Variants in MEP1B observed in about 807,000 individuals in gnomAD.
MEP1B encodes N-benzoyl-L-tyrosyl-P-amino-benzoic acid hydrolase subunit beta.
A neutral mutation model predicts 84.6 loss-of-function variants in MEP1B; 80 were observed. That is an observed-to-expected ratio of 0.95 (90% confidence interval 0.79 to 1.14). The LOEUF (loss-of-function observed/expected upper bound fraction) is 1.14, where lower values mean the gene tolerates loss of function less well. MEP1B is among the 50% of genes most tolerant of loss of function. MEP1B has a pLI of 0.00. For synonymous variants in MEP1B, 273 were observed against 288.1 expected, an observed-to-expected ratio of 0.95 and a Z score of 0.53; for missense variants, 766 against 855.1, an observed-to-expected ratio of 0.90 and a Z score of 1.30.
intron 12 of MEP1B, 113 bp downstream of exon 12, chr18:32,215,374 G>A (rs2041073107): frequency 1.7e-6 from 1 of 581,136 alleles, no homozygotes; most frequent in Admixed American, 3.8e-5. Context: ...TAGAGATGTG[G>A]GGGGAATGGG....
intron 13 of MEP1B, among the ~76,000 whole-genome samples, 189 bp from the exon 14 acceptor site, chr18:32,217,572 T>A (rs549837105): frequency 6.6e-6 from 1 of 152,330 alleles, no homozygotes; most frequent in South Asian, 2.1e-4. Context: ...AATTCCATTT[T>A]TTCTTTCCAT....
chr18:32,194,107 C>A (rs749853103), intron 4 of MEP1B, among the ~76,000 whole-genome samples: 1 of 152,118 alleles, frequency 6.6e-6, no homozygotes, highest in Non-Finnish European at 1.5e-5. Context: ...CACATAAAAA[C>A]CTTGAGCGCC....
chr18:32,194,603 C>G (rs2040834324), intron 4 of MEP1B, among the ~76,000 whole-genome samples: 2 of 152,084 alleles, frequency 1.3e-5, no homozygotes, highest in East Asian at 3.9e-4. Context: ...CAGGCATATT[C>G]CCACCTCAGA....
chr18:32,196,212 G>A lies in MEP1B; in HGVS notation c.250+727G>A, dbSNP rs973783282. The A allele has an allele frequency of 3.5e-5, 24 of 683,380 alleles. No homozygotes were observed. The highest frequency in any genetic ancestry group is 5.5e-5 in the Non-Finnish European group (20 of 363,534). The allele number at this position is 683,380 out of a possible 1,614,324, so 42.3% of individuals were successfully genotyped here. A position where few individuals can be genotyped will look rare whatever the true frequency, so the allele number is the denominator to read the frequency against. ...TCAGACTCTCCAAGTCTTTTTGGCT[G>A]AGAGGAATGAAGAGGATGCCATTGA... On this transcript the variant is annotated intron_variant, in intron 5 of 14. Coordinates refer to ENST00000269202, the MANE Select transcript of MEP1B (RefSeq NM_005925.3). This position sits in a 1 kb window ranked among gnomAD's most constrained non-coding sequence, Gnocchi z 4.4.
At chr18:32,203,312 CAT>C (rs1468581889) in intron 6 of MEP1B, 14 of 236,484 alleles carry the variant, frequency 5.9e-5, no homozygotes, top group Non-Finnish European at 8.1e-5. Context: ...AAGTAAAAAA[CAT>C]GTGTATTTAT....
At chr18:32,201,089 T>G (rs1186077770) in intron 5 of MEP1B, among the ~76,000 whole-genome samples, 2 of 152,314 alleles carry the variant, frequency 1.3e-5, no homozygotes, top group Non-Finnish European at 1.5e-5. Flanking sequence ...AGCTTTCACG[T>G]GTTACTTTAT....
chr18:32,200,079 A>T (rs1404800342), intron 5 of MEP1B, among the ~76,000 whole-genome samples: 1 of 152,046 alleles, frequency 6.6e-6, no homozygotes, highest in Admixed American at 6.6e-5. Context: ...TTTAAACAAC[A>T]TTATAAACAA....
At chr18:32,214,950 A>G (rs1466372264) in intron 11 of MEP1B, 132 bp from the exon 12 acceptor site, 8 of 666,706 alleles carry the variant, frequency 1.2e-5, no homozygotes, top group Middle Eastern at 4.0e-4. Context: ...CAGGGAATAC[A>G]TCACAGGTCA....
chr18:32,216,172 C>T (rs1233772726), intron 12 of MEP1B, among the ~76,000 whole-genome samples: 1 of 151,970 alleles, frequency 6.6e-6, no homozygotes, highest in Non-Finnish European at 1.5e-5. Flanking sequence ...ACTTGGATCT[C>T]AGTAAATCAG....
At chr18:32,212,655 C>T (rs1343801901) in intron 10 of MEP1B, among the ~76,000 whole-genome samples, 1 of 151,980 alleles carries the variant, frequency 6.6e-6, no homozygotes, top group African/African-American at 2.4e-5. Context: ...TTTAATATTA[C>T]CAAAAAGTTG....
Position 32,211,570 on chromosome 18 carries a change from T to C in MEP1B, c.1135+854T>C, listed in dbSNP as rs1261706057. On this transcript the variant is annotated intron_variant, in intron 10 of 14. Transcript: ENST00000269202. Reference sequence around the variant, plus strand: ...TGGAAAAAGGACTCTTCCTCTAATATAAAGCTTAAAAAATAAATCCCAGTG... The same window carrying C: ...TGGAAAAAGGACTCTTCCTCTAATACAAAGCTTAAAAAATAAATCCCAGTG... 5.3e-5 allele frequency among the ~76,000 whole-genome samples: 8 copies of C among 152,168 alleles called. 1 individual carries two copies. The highest frequency in any genetic ancestry group is 4.6e-4 in the Admixed American group (7 of 15,286).
chr18:32,213,148 G>A lies in MEP1B; in HGVS notation c.1168G>A (p.Val390Ile). The A allele has an allele frequency of 1.2e-6, 2 of 1,613,904 alleles. No individual in the cohort carries two copies. The highest frequency in any genetic ancestry group is 2.2e-5 in the East Asian group (1 of 44,886). ...IPTGSWQLYH[V>I]TLKVTKKFRV... ...CACTGGGAGCTGGCAACTTTATCAT[G>A]TAACATTGAAAGTGACCAAGAAGTT... The change falls in exon 11 of 15, where the codon GTA (valine) becomes ATA (isoleucine). Residue 390 changes from valine (V) to isoleucine (I), a missense_variant. Val to Ile is a conservative substitution (Grantham distance 29). Transcript: ENST00000269202.
rs150355961 is a variant in MEP1B at position 32,204,330 on chromosome 18, G to A, written c.517G>A (p.Val173Ile). The A allele has an allele frequency of 4.1e-4, 648 of 1,599,778 alleles. 2 individuals are homozygous for A. In the African/African-American group the frequency reaches 7.0e-3, roughly 17 times the overall value. ...GTCGCGTTCTGACCGGGATGACTAT[G>A]TCAGGATAATGTGGGACAGAATTCT... is the stretch of plus-strand genomic sequence containing the variant. ...EQSRSDRDDY[V>I]RIMWDRILSG... Residue 173 changes from valine to isoleucine, a missense_variant, in exon 7 of 15, where the codon GTC becomes ATC. By Grantham distance (29) the Val-to-Ile change is conservative. Coordinates refer to ENST00000269202, the MANE Select transcript of MEP1B (RefSeq NM_005925.3).
Position 32,196,577 on chromosome 18 carries a change from G to T in MEP1B, c.250+1092G>T. Reference sequence around the variant, plus strand: ...GGTACTTGGTGCTGACGGCCAGCGCGTTGTCCAGGAAGCACAGCGACAGGT... The same window carrying T: ...GGTACTTGGTGCTGACGGCCAGCGCTTTGTCCAGGAAGCACAGCGACAGGT... On this transcript the variant is annotated intron_variant, in intron 5 of 14. Coordinates refer to ENST00000269202, the MANE Select transcript of MEP1B (RefSeq NM_005925.3). This position sits in a 1 kb window ranked among gnomAD's most constrained non-coding sequence, Gnocchi z 4.4. The T allele has an allele frequency of 2.8e-6, 2 of 717,036 alleles. No individual in the cohort carries two copies. Among genetic ancestry groups the T allele is most frequent in the South Asian group, 2.9e-5 (2 of 68,776 alleles). 44.4% of individuals were successfully genotyped at this position (717,036 alleles called of 1,614,324 possible). A position where few individuals can be genotyped will look rare whatever the true frequency, so the allele number is the denominator to read the frequency against.
chr18:32,213,634 G>A (rs534517426), intron 11 of MEP1B, 75 bp downstream of exon 11: 20 of 1,143,240 alleles, frequency 1.7e-5, no homozygotes, highest in African/African-American at 3.0e-5. Flanking sequence ...GGGAATGAGG[G>A]ATTGCACAGT....
chr18:32,192,465 C>T (rs559779314), intron 2 of MEP1B, among the ~76,000 whole-genome samples, 181 bp from the exon 3 acceptor site: 1 of 152,116 alleles, frequency 6.6e-6, no homozygotes, highest in South Asian at 2.1e-4. Context: ...CTTTAGAGCC[C>T]AACCTGGCTC....
At chr18:32,217,728 C>G (rs1346210655) in intron 13 of MEP1B, 33 bp from the exon 14 acceptor site, 2 of 1,555,950 alleles carry the variant, frequency 1.3e-6, no homozygotes, top group South Asian at 2.3e-5. Flanking sequence ...TAGATATCAA[C>G]TAATAACTCT....
chr18:32,190,300 A>G (rs982050693), intron 1 of MEP1B, among the ~76,000 whole-genome samples, 167 bp downstream of exon 1: 1 of 152,070 alleles, frequency 6.6e-6, no homozygotes, highest in Non-Finnish European at 1.5e-5. Context: ...GTAGGGAGTG[A>G]CAAATAGCCA....
Position 32,220,221 on chromosome 18 carries a change from C to T in MEP1B, c.2092-10C>T. 1 of 1,604,466 alleles carries T rather than the reference C, an allele frequency of 6.2e-7. No homozygotes were observed. The highest frequency in any genetic ancestry group is 8.5e-7 in the Non-Finnish European group (1 of 1,174,326). On this transcript the variant is annotated splice_polypyrimidine_tract_variant and intron_variant, in intron 14 of 14. Coordinates refer to ENST00000269202, the MANE Select transcript of MEP1B (RefSeq NM_005925.3). ...GAAATTAAATCATCAATTGTTCTTT[C>T]CCCTTTTAGCAGCATGCTTTTTGAA...
Sources: allele counts gnomAD v4.1 joint callset (sites outside exome capture counted in the v4.1 genomes callset), GRCh38; gene constraint gnomAD v4.1.1; non-coding constraint Gnocchi (gnomAD v3.1); transcripts MANE v1.5; gene names NCBI Gene and HGNC (gene_info 2026-07-23, HGNC 2026-07-21).